IL20: variants seen among roughly 807,000 people sequenced by gnomAD.
The protein encoded by IL20 is interleukin 20.
Under a neutral mutation model 19.2 loss-of-function variants are expected in IL20, and 22 were observed. The observed-to-expected ratio is 1.15, with a 90% CI of 0.82 to 1.64. The LOEUF (loss-of-function observed/expected upper bound fraction) is 1.64, where lower values mean the gene tolerates loss of function less well. Among genes scored for constraint, IL20 ranks in the 40% most tolerant of loss-of-function variants. The probability of loss-of-function intolerance (pLI) is 0.00; values close to 1 mark genes in which losing one functional copy is unlikely to be tolerated. For missense variants in IL20, 215 were observed against 212.8 expected (o/e 1.01, Z -0.06); for synonymous variants, 70 against 76.2 (o/e 0.92, Z 0.43).
intron 4 of IL20, 102 bp downstream of exon 4, chr1:206,866,738 T>G: frequency 8.5e-7 from 1 of 1,170,674 alleles, no homozygotes; most frequent in South Asian, 1.4e-5. Flanking sequence ...ATGGAGAAAC[T>G]GAGTCCAAAA....
Position 206,868,705 on chromosome 1 carries a change from T to G in IL20, c.*141T>G. ...GTCACAGTGTATCTTATTTATGCAT[T>G]ACTTGCTTCCTTGCATGATTGTCTT... is the stretch of plus-strand genomic sequence containing the variant. On this transcript the variant is annotated 3_prime_UTR_variant, in exon 6 of 6. Coordinates refer to ENST00000367098, the MANE Select transcript of IL20 (RefSeq NM_018724.4). 2.3e-6 allele frequency: 1 copy of G among 430,002 alleles called. No individual in the cohort carries two copies. The highest frequency in any genetic ancestry group is 4.0e-6 in the Non-Finnish European group (1 of 251,044). The allele number at this position is 430,002 out of a possible 1,614,324, so 26.6% of individuals were successfully genotyped here.
At position 206,865,808 on chromosome 1, in the gene IL20, T is replaced by C. The variant is rs1260014519; in HGVS notation, c.-30-15T>C. On this transcript the variant is annotated splice_polypyrimidine_tract_variant and intron_variant, in intron 1 of 5. Coordinates refer to ENST00000367098, the MANE Select transcript of IL20 (RefSeq NM_018724.4). The surrounding 1 kb of genome is among the most constrained non-coding windows in gnomAD (Gnocchi z 4.1). ...GGAAACTCAGTAAGTCATGCTCTCTTCTTTGAATTCCTAGCTCCTGTGGTC... is the reference window on the plus strand; with the variant it reads ...GGAAACTCAGTAAGTCATGCTCTCTCCTTTGAATTCCTAGCTCCTGTGGTC... The C allele has an allele frequency of 6.2e-7, 1 of 1,608,584 alleles. No individual in the cohort carries two copies. Among genetic ancestry groups the C allele is most frequent in the East Asian group, 2.2e-5 (1 of 44,822 alleles).
In IL20 at chr1:206,869,114, T is replaced by A. The variant is rs192239193; in HGVS notation, c.*550T>A. 1.3e-4 allele frequency: 20 copies of A among 152,428 alleles called. No homozygotes were observed. In the East Asian group the frequency reaches 2.6e-3, roughly 20 times the overall value. The allele number at this position is 152,428 out of a possible 1,614,324, so 9.4% of individuals were successfully genotyped here. On this transcript the variant is annotated 3_prime_UTR_variant, in exon 6 of 6. Coordinates refer to ENST00000367098, the MANE Select transcript of IL20 (RefSeq NM_018724.4). ...GTGGAATTGCACATCTACCTTACAA[T>A]TACTGACCATCCCCAGTAGACTCCC...
chr1:206,866,116 C>A, intron 2 of IL20, 105 bp downstream of exon 2: 1 of 1,222,404 alleles, frequency 8.2e-7, no homozygotes, highest in South Asian at 1.3e-5. Flanking sequence ...AAGAGGCAGG[C>A]TGGGGATTCC....
chr1:206,866,045 C>T, intron 2 of IL20, 34 bp downstream of exon 2: 2 of 1,583,342 alleles, frequency 1.3e-6, no homozygotes, highest in Non-Finnish European at 1.7e-6. Context: ...TCCTGAAAGC[C>T]TTTTCTCTTC....
intron 4 of IL20, among the ~76,000 whole-genome samples, 159 bp downstream of exon 4, chr1:206,866,795 A>C (rs1329807108): frequency 6.6e-6 from 1 of 152,192 alleles, no homozygotes; most frequent in African/African-American, 2.4e-5. Flanking sequence ...ATAAGAACTC[A>C]GTTTTATTGA....
Position 206,868,816 on chromosome 1 carries a change from ATATT to A in IL20, c.*262_*265del, listed in dbSNP as rs1294931490. On this transcript the variant is annotated 3_prime_UTR_variant, in exon 6 of 6. Transcript: ENST00000367098. Reference sequence around the variant, plus strand: ...CTATTGGATATATTTATTAGTTAATATATTTATTTATTTTTTGCTATTTAATGTA... The same window carrying A: ...CTATTGGATATATTTATTAGTTAATATATTTATTTTTTGCTATTTAATGTA... 2 of 213,188 alleles carry A rather than the reference ATATT, an allele frequency of 9.4e-6. No homozygotes were observed. Among genetic ancestry groups the A allele is most frequent in the Admixed American group, 5.8e-5 (1 of 17,376 alleles). 13.2% of individuals were successfully genotyped at this position (213,188 alleles called of 1,614,324 possible).
In IL20 at chr1:206,865,649, A is replaced by G; in HGVS notation, c.-68A>G. 1 of 1,375,842 alleles carries G rather than the reference A, an allele frequency of 7.3e-7. No individual in the cohort carries two copies. The highest frequency in any genetic ancestry group is 9.4e-7 in the Non-Finnish European group (1 of 1,064,722). 85.2% of individuals were successfully genotyped at this position (1,375,842 alleles called of 1,614,324 possible). A position where few individuals can be genotyped will look rare whatever the true frequency, so the allele number is the denominator to read the frequency against. Reference sequence around the variant, plus strand: ...CACTCAGACTCTGAACTCAGACCTGAAATCTTCTCTTCACGGGAGGCTTGG... The same window carrying G: ...CACTCAGACTCTGAACTCAGACCTGGAATCTTCTCTTCACGGGAGGCTTGG... On this transcript the variant is annotated 5_prime_UTR_variant, in exon 1 of 6. Coordinates refer to ENST00000367098, the MANE Select transcript of IL20 (RefSeq NM_018724.4). This position sits in a 1 kb window ranked among gnomAD's most constrained non-coding sequence, Gnocchi z 4.1.
At chr1:206,866,184 G>T (rs1677539860) in intron 2 of IL20, 115 bp from the exon 3 acceptor site, 1 of 1,212,074 alleles carries the variant, frequency 8.3e-7, no homozygotes, top group Non-Finnish European at 1.2e-6. Flanking sequence ...AAAATGTTTT[G>T]GGAAAGGACA....
intron 2 of IL20, 116 bp downstream of exon 2, chr1:206,866,127 T>G: frequency 8.3e-7 from 1 of 1,198,606 alleles, no homozygotes; most frequent in Non-Finnish European, 1.2e-6. Context: ...TGGGGATTCC[T>G]TACCCGGGGG....
In IL20 at chr1:206,867,385, A is replaced by G. The variant is rs144756065; in HGVS notation, c.380A>G (p.His127Arg). The G allele has an allele frequency of 1.9e-4, 299 of 1,613,156 alleles. No homozygotes were observed. The highest frequency in any genetic ancestry group is 2.4e-4 in the Non-Finnish European group (279 of 1,179,298). Reference protein sequence around the residue: ...LTIKKDLRLCHAHMTCHCGEE... With the variant: ...LTIKKDLRLCRAHMTCHCGEE... ...TATTATTCTTTGGGTCCTTTTCAGCATGCCCACATGACATGCCATTGTGGG... is the reference window on the plus strand; with the variant it reads ...TATTATTCTTTGGGTCCTTTTCAGCGTGCCCACATGACATGCCATTGTGGG... Residue 127 changes from histidine (H) to arginine (R), a missense_variant and splice_region_variant, in exon 5 of 6, where the codon CAT (histidine) becomes CGT (arginine). His to Arg is a conservative substitution (Grantham distance 29). Coordinates refer to ENST00000367098, the MANE Select transcript of IL20 (RefSeq NM_018724.4).
intron 5 of IL20, 51 bp downstream of exon 5, chr1:206,867,509 A>G: frequency 7.0e-7 from 1 of 1,425,172 alleles, no homozygotes; most frequent in Non-Finnish European, 9.9e-7. Context: ...AAGAACTGAG[A>G]TCATAGGTAG....
rs946134952 is a variant in IL20 at position 206,865,895 on chromosome 1, T to G, written c.43T>G (p.Phe15Val). ...SLAFSLLSAA[F>V]YLLWTPSTGL... ...TGCCTTCAGCCTTCTCTCTGCTGCG[T>G]TTTATCTCCTATGGACTCCTTCCAC... Residue 15 changes from phenylalanine to valine, a missense_variant, in exon 2 of 6, where the codon TTT becomes GTT. By Grantham distance (50) the Phe-to-Val change is conservative. Coordinates refer to ENST00000367098, the MANE Select transcript of IL20 (RefSeq NM_018724.4). The surrounding 1 kb of genome is among the most constrained non-coding windows in gnomAD (Gnocchi z 4.1). The G allele has an allele frequency of 4.3e-6, 7 of 1,614,006 alleles. No homozygotes were observed. In the African/African-American group the frequency reaches 9.3e-5, roughly 22 times the overall value.
At chr1:206,867,571 C>A in intron 5 of IL20, 113 bp downstream of exon 5, 1 of 889,346 alleles carries the variant, frequency 1.1e-6, no homozygotes, top group South Asian at 1.5e-5. Context: ...GTTCATAGCC[C>A]TCTGAAATCA....
chr1:206,867,442 T>C lies in IL20; in HGVS notation c.437T>C (p.Leu146Pro). Residue 146 changes from leucine to proline, a missense_variant, in exon 5 of 6, where the codon CTG (leucine) becomes CCG (proline). Physicochemically the swap from Leu to Pro is moderately conservative, Grantham distance 98 (BLOSUM62 -3). Coordinates refer to ENST00000367098, the MANE Select transcript of IL20 (RefSeq NM_018724.4). ...GCAATGAAGAAATACAGCCAGATTC[T>C]GAGTCACTTTGAAAAGGTATATGCG... ...EEAMKKYSQI[L>P]SHFEKLEPQA... 6.2e-7 allele frequency: 1 copy of C among 1,613,700 alleles called. No homozygotes were observed. The highest frequency in any genetic ancestry group is 8.5e-7 in the Non-Finnish European group (1 of 1,179,648).
rs762800756 is a variant in IL20, at chr1:206,867,490, G to C, written c.453+32G>C. Reference sequence around the variant, plus strand: ...GCGACTTTGGCATTGATTGGGATGGGTGTGTTTTAAGAACTGAGATCATAG... The same window carrying C: ...GCGACTTTGGCATTGATTGGGATGGCTGTGTTTTAAGAACTGAGATCATAG... On this transcript the variant is annotated intron_variant, in intron 5 of 5. Coordinates refer to ENST00000367098, the MANE Select transcript of IL20 (RefSeq NM_018724.4). 8.3e-6 allele frequency: 13 copies of C among 1,571,566 alleles called. No individual in the cohort carries two copies. In the South Asian group the frequency reaches 1.4e-4, roughly 17 times the overall value.
At chr1:206,867,601 T>A in intron 5 of IL20, 143 bp downstream of exon 5, 1 of 693,846 alleles carries the variant, frequency 1.4e-6, no homozygotes. Context: ...GCCCTTGCTT[T>A]AACCCAGGGG....
At chr1:206,867,317 T>A (rs1677580084) in intron 4 of IL20, 67 bp from the exon 5 acceptor site, 1 of 1,415,912 alleles carries the variant, frequency 7.1e-7, no homozygotes. Context: ...AGTTTCTGCC[T>A]GCTTCATGTC....
rs1572591554 is a variant in IL20 at position 206,868,642 on chromosome 1, C to G, written c.*78C>G. 1.0e-6 allele frequency: 1 copy of G among 964,798 alleles called. No homozygotes were observed. The highest frequency in any genetic ancestry group is 1.5e-6 in the Non-Finnish European group (1 of 659,298). The allele number at this position is 964,798 out of a possible 1,614,324, so 59.8% of individuals were successfully genotyped here. On this transcript the variant is annotated 3_prime_UTR_variant, in exon 6 of 6. Coordinates refer to ENST00000367098, the MANE Select transcript of IL20 (RefSeq NM_018724.4). ...CAATACCTGCAGAGGAGGCATGACC[C>G]CAAACCACCATCTCTTTACTGTACT...
Sources: allele counts gnomAD v4.1 joint callset (sites outside exome capture counted in the v4.1 genomes callset), GRCh38; gene constraint gnomAD v4.1.1; non-coding constraint Gnocchi (gnomAD v3.1); transcripts MANE v1.5; gene names NCBI Gene and HGNC (gene_info 2026-07-23, HGNC 2026-07-21).